AKIRIN2: variants seen among roughly 807,000 people sequenced by gnomAD.
The protein encoded by AKIRIN2 is akirin-2.
Under a neutral mutation model 29.3 loss-of-function variants are expected in AKIRIN2, and 6 were observed. That is an observed-to-expected ratio of 0.20 (90% confidence interval 0.11 to 0.40). The LOEUF is 0.40. Ranked by LOEUF, AKIRIN2 falls within the 10% of genes least tolerant of loss-of-function variation. AKIRIN2 has a pLI of 1.00. For synonymous variants in AKIRIN2, 128 were observed against 117.5 expected, an observed-to-expected ratio of 1.09 and a Z score of -0.58; for missense variants, 210 against 276.1, an observed-to-expected ratio of 0.76 and a Z score of 1.70.
At chr6:87,683,605 A>AT (rs369981845) in intron 1 of AKIRIN2, among the ~76,000 whole-genome samples, 7 of 152,256 alleles carry the variant, frequency 4.6e-5, no homozygotes, top group South Asian at 2.1e-4. Flanking sequence ...AAATATCCTC[A>AT]TTTTTTAATA....
intron 1 of AKIRIN2, chr6:87,700,856 C>G (rs1771449059): frequency 6.5e-6 from 1 of 154,738 alleles, no homozygotes; most frequent in Non-Finnish European, 1.5e-5. Flanking sequence ...GCTAGGGAAA[C>G]AGGTCTTGAC....
chr6:87,683,524 G>T (rs189869468), intron 1 of AKIRIN2, among the ~76,000 whole-genome samples: 1 of 152,228 alleles, frequency 6.6e-6, no homozygotes, highest in East Asian at 1.9e-4. Flanking sequence ...TGATATAAAT[G>T]GGTTTCCTAA....
chr6:87,694,156 T>G lies in AKIRIN2; in HGVS notation c.235+7294A>C, dbSNP rs72906505. 9.9e-3 allele frequency among the ~76,000 whole-genome samples: 1,504 copies of G among 152,206 alleles called. 10 individuals carry two copies. Among genetic ancestry groups the G allele is most frequent in the Non-Finnish European group, 0.015 (1,047 of 68,014 alleles). On this transcript the variant is annotated intron_variant, in intron 1 of 4. Coordinates refer to ENST00000257787, the MANE Select transcript of AKIRIN2 (RefSeq NM_018064.4). ...CTAGTTTGATTTTTTTGAGGGAGTT[T>G]TACAAGAATTAACATTAACAGAAAT...
intron 1 of AKIRIN2, among the ~76,000 whole-genome samples, chr6:87,693,208 G>A (rs2754261): frequency 0.071 from 10,752 of 151,970 alleles, 404 homozygotes; most frequent in East Asian, 0.095. Context: ...CAACCTGGGC[G>A]ACAGAGTGAG....
intron 1 of AKIRIN2, among the ~76,000 whole-genome samples, chr6:87,695,957 T>G (rs1003906324): frequency 1.3e-5 from 2 of 150,848 alleles, no homozygotes; most frequent in Non-Finnish European, 3.0e-5. Context: ...GCGGGCAGAT[T>G]GCTTGAGCCC....
At chr6:87,696,699 CAAAAAAA>C (rs35676911) in intron 1 of AKIRIN2, among the ~76,000 whole-genome samples, 1 of 87,762 alleles carries the variant, frequency 1.1e-5, no homozygotes, top group African/African-American at 4.2e-5. Context: ...AGACTCCATC[CAAAAAAA>C]AAAAAAAAAA....
intron 3 of AKIRIN2, among the ~76,000 whole-genome samples, chr6:87,676,596 A>AACACATGCACGCGCGCACACAC (rs1770998438): frequency 7.0e-6 from 1 of 142,046 alleles, no homozygotes; most frequent in African/African-American, 2.7e-5. Context: ...CTCTACTAAA[A>AACACATGCACGCGCGCACACAC]ACACACACAC....
At chr6:87,698,206 T>C (rs919262639) in intron 1 of AKIRIN2, among the ~76,000 whole-genome samples, 1 of 152,128 alleles carries the variant, frequency 6.6e-6, no homozygotes, top group Non-Finnish European at 1.5e-5. Flanking sequence ...TGATCACTTT[T>C]CCTTTTCCAT....
chr6:87,692,681 G>A (rs1417384966), intron 1 of AKIRIN2, among the ~76,000 whole-genome samples: 9 of 152,104 alleles, frequency 5.9e-5, no homozygotes, highest in South Asian at 2.1e-4. Context: ...GTGTGGCGGC[G>A]CACGCCTGTA....
At chr6:87,699,325 G>A (rs1240236667) in intron 1 of AKIRIN2, among the ~76,000 whole-genome samples, 1 of 152,014 alleles carries the variant, frequency 6.6e-6, no homozygotes, top group East Asian at 1.9e-4. Context: ...TAAACACAAA[G>A]TCAAACTAAA....
At chr6:87,691,901 G>A (rs542861553) in intron 1 of AKIRIN2, among the ~76,000 whole-genome samples, 34 of 152,330 alleles carry the variant, frequency 2.2e-4, no homozygotes, top group African/African-American at 7.9e-4. Flanking sequence ...TTTTGAAGTG[G>A]AGGAAATCTG....
intron 3 of AKIRIN2, among the ~76,000 whole-genome samples, chr6:87,676,460 A>AC (rs1205423505): frequency 5.3e-5 from 7 of 131,902 alleles, no homozygotes; most frequent in Non-Finnish European, 1.2e-4. Context: ...AAAAAAAAAA[A>AC]AAAAAAAAAA....
intron 1 of AKIRIN2, among the ~76,000 whole-genome samples, chr6:87,686,296 C>A (rs1771184437): frequency 6.6e-6 from 1 of 152,116 alleles, no homozygotes; most frequent in African/African-American, 2.4e-5. Flanking sequence ...AAATGCTGGA[C>A]ACCATGAATA....
intron 2 of AKIRIN2, among the ~76,000 whole-genome samples, chr6:87,679,514 A>G (rs1443126013): frequency 6.6e-6 from 1 of 152,236 alleles, no homozygotes; most frequent in Non-Finnish European, 1.5e-5. Context: ...AAAACAAAAC[A>G]AAACAAGACA....
intron 1 of AKIRIN2, among the ~76,000 whole-genome samples, chr6:87,697,884 C>T (rs896638234): frequency 1.7e-4 from 26 of 152,222 alleles, no homozygotes; most frequent in Admixed American, 2.0e-4. Flanking sequence ...CTAACAAACT[C>T]ACAAATACAT....
chr6:87,688,682 G>A (rs996202838), intron 1 of AKIRIN2, among the ~76,000 whole-genome samples: 3 of 152,126 alleles, frequency 2.0e-5, no homozygotes, highest in Admixed American at 2.0e-4. Context: ...CCCGGGGGGA[G>A]GTGGAGGTTG....
chr6:87,676,710 G>A (rs1486767881), intron 3 of AKIRIN2, among the ~76,000 whole-genome samples: 1 of 151,694 alleles, frequency 6.6e-6, no homozygotes, highest in Non-Finnish European at 1.5e-5. Context: ...AGCCCGGGAG[G>A]CAGAGGTTGC....
chr6:87,694,518 C>T (rs575005820), intron 1 of AKIRIN2, among the ~76,000 whole-genome samples: 9 of 152,058 alleles, frequency 5.9e-5, no homozygotes, highest in East Asian at 1.9e-4. Flanking sequence ...CATAAGGGTT[C>T]GAACAAGTGA....
intron 2 of AKIRIN2, 33 bp downstream of exon 2, chr6:87,681,585 TAA>T: frequency 6.3e-7 from 1 of 1,585,520 alleles, no homozygotes; most frequent in Non-Finnish European, 8.6e-7. Flanking sequence ...CCACTCTAAA[TAA>T]TAAACTTTGT....
Sources: allele counts gnomAD v4.1 joint callset (sites outside exome capture counted in the v4.1 genomes callset), GRCh38; gene constraint gnomAD v4.1.1; transcripts MANE v1.5; gene names NCBI Gene and HGNC (gene_info 2026-07-23, HGNC 2026-07-21).